ARHGAP44: variants seen among roughly 807,000 people sequenced by gnomAD.
ARHGAP44 encodes Rho GTPase activating protein 44.
A neutral mutation model predicts 106.8 loss-of-function variants in ARHGAP44; 43 were observed. The observed-to-expected ratio is 0.40, with a 90% CI of 0.32 to 0.52. The LOEUF (loss-of-function observed/expected upper bound fraction) is 0.52, where lower values mean the gene tolerates loss of function less well. Among genes scored for constraint, ARHGAP44 ranks in the 20% least tolerant of loss-of-function variants. ARHGAP44 has a pLI of 0.48. For synonymous variants in ARHGAP44, 439 were observed against 410.3 expected (o/e 1.07, Z -0.85); for missense variants, 866 against 1,050.5 (o/e 0.82, Z 2.43).
chr17:12,942,912 C>G (rs183295159), intron 8 of ARHGAP44, among the ~76,000 whole-genome samples: 7 of 152,274 alleles, frequency 4.6e-5, no homozygotes, highest in Non-Finnish European at 1.5e-5. Context: ...CAAAGCAATC[C>G]CACCTCCAGG....
intron 1 of ARHGAP44, among the ~76,000 whole-genome samples, chr17:12,809,387 G>T (rs777011223): frequency 6.6e-6 from 1 of 152,210 alleles, no homozygotes; most frequent in Non-Finnish European, 1.5e-5. Flanking sequence ...TTGACTCACA[G>T]TTCCACATGA....
chr17:12,970,103 A>G (rs539872292), intron 16 of ARHGAP44, among the ~76,000 whole-genome samples: 6 of 152,288 alleles, frequency 3.9e-5, no homozygotes, highest in Admixed American at 2.6e-4. Context: ...GTGCATCTCA[A>G]TGATGAGCAG....
intron 1 of ARHGAP44, among the ~76,000 whole-genome samples, chr17:12,893,252 C>T (rs2037101305): frequency 6.6e-6 from 1 of 152,108 alleles, no homozygotes; most frequent in Non-Finnish European, 1.5e-5. Flanking sequence ...TGGTTCTCTA[C>T]TGGGCCTCCA....
At chr17:12,987,222 G>A (rs979303564) in intron 20 of ARHGAP44, 8 of 1,364,084 alleles carry the variant, frequency 5.9e-6, no homozygotes, top group South Asian at 1.3e-5. Flanking sequence ...CCTCCCCTCC[G>A]CTCCTCGTCT....
At chr17:12,795,325 T>C (rs1275544340) in intron 1 of ARHGAP44, among the ~76,000 whole-genome samples, 1 of 152,236 alleles carries the variant, frequency 6.6e-6, no homozygotes, top group African/African-American at 2.4e-5. Context: ...TTTGCTCTTA[T>C]CTTCTAAGAT....
At chr17:12,858,301 A>G (rs574513841) in intron 1 of ARHGAP44, among the ~76,000 whole-genome samples, 73 of 152,268 alleles carry the variant, frequency 4.8e-4, no homozygotes, top group African/African-American at 1.6e-3. Context: ...TGTGGACTCT[A>G]AAATCCTCCA....
intron 19 of ARHGAP44, chr17:12,982,916 G>A (rs2039867203): frequency 6.6e-6 from 1 of 152,214 alleles, no homozygotes; most frequent in African/African-American, 2.4e-5. Context: ...GTGGGGAGAA[G>A]GAAGAGCTTC....
intron 20 of ARHGAP44, among the ~76,000 whole-genome samples, chr17:12,989,575 G>A (rs1205231588): frequency 6.6e-6 from 1 of 152,146 alleles, no homozygotes; most frequent in East Asian, 1.9e-4. Flanking sequence ...CTGTTTCTTA[G>A]AGTGAGGACA....
At chr17:12,814,310 G>C (rs569920782) in intron 1 of ARHGAP44, among the ~76,000 whole-genome samples, 1 of 143,460 alleles carries the variant, frequency 7.0e-6, no homozygotes, top group South Asian at 2.2e-4. Context: ...GCGTGATCTC[G>C]GCTCACTGCA....
At chr17:12,897,516 T>C (rs1374432356) in intron 3 of ARHGAP44, among the ~76,000 whole-genome samples, 4 of 151,788 alleles carry the variant, frequency 2.6e-5, no homozygotes, top group African/African-American at 9.7e-5. Flanking sequence ...TAAATAAAAC[T>C]TTCACAGCTC....
chr17:12,854,972 A>G (rs1014723514), intron 1 of ARHGAP44, among the ~76,000 whole-genome samples: 8 of 151,468 alleles, frequency 5.3e-5, no homozygotes, highest in Admixed American at 2.6e-4. Flanking sequence ...AAAAAAAAAA[A>G]AAAAAAAAAA....
intron 16 of ARHGAP44, among the ~76,000 whole-genome samples, chr17:12,970,227 G>T (rs752677824): frequency 6.6e-6 from 1 of 151,960 alleles, no homozygotes; most frequent in Non-Finnish European, 1.5e-5. Flanking sequence ...TTAGCCAGAT[G>T]TGGTGGCATG....
At chr17:12,911,840 A>G (rs774046409) in intron 4 of ARHGAP44, among the ~76,000 whole-genome samples, 48 of 152,186 alleles carry the variant, frequency 3.2e-4, no homozygotes, top group South Asian at 6.2e-4. Context: ...CCACTCATGC[A>G]GCCCCCCAGG....
rs947712708 is a variant in ARHGAP44 at position 12,984,770 on chromosome 17, C to T, written c.2179C>T (p.Arg727Trp). The T allele has an allele frequency of 8.7e-6, 14 of 1,613,830 alleles. No individual in the cohort carries two copies. Among genetic ancestry groups the T allele is most frequent in the South Asian group, 4.4e-5 (4 of 91,092 alleles). The stretch of plus-strand genomic sequence containing the variant: ...CTTTACAAGCACTTTGAGCAAATCG[C>T]GGCCCACTCCTAAGCCGCGACAGAG... ...SVFTSTLSKS[R>W]PTPKPRQRPT... is the part of the protein sequence containing the mutation. The change falls in exon 20 of 21, where the codon CGG becomes TGG. Residue 727 changes from arginine to tryptophan, a missense_variant. By Grantham distance (101) the Arg-to-Trp change is moderately radical (BLOSUM62 -3). Around this residue, in one of 2 missense-constraint regions of ARHGAP44, gnomAD observed 418 missense variants for 403.6 expected, o/e 1.04. Coordinates refer to ENST00000379672, the MANE Select transcript of ARHGAP44 (RefSeq NM_014859.6).
intron 1 of ARHGAP44, among the ~76,000 whole-genome samples, chr17:12,831,783 C>T (rs1420099966): frequency 6.6e-6 from 1 of 152,076 alleles, no homozygotes; most frequent in Non-Finnish European, 1.5e-5. Flanking sequence ...GTGTAAGAAA[C>T]AATGGTCAGG....
intron 16 of ARHGAP44, among the ~76,000 whole-genome samples, chr17:12,966,558 T>C (rs2039396787): frequency 6.6e-6 from 1 of 152,156 alleles, no homozygotes; most frequent in East Asian, 1.9e-4. Context: ...GAGCTTTGGG[T>C]CCCCTTTTCA....
At chr17:12,861,187 G>A (rs1437416656) in intron 1 of ARHGAP44, among the ~76,000 whole-genome samples, 2 of 151,886 alleles carry the variant, frequency 1.3e-5, no homozygotes, top group East Asian at 1.9e-4. Flanking sequence ...GTGGAGTTCC[G>A]CCATGTTGGC....
At chr17:12,891,487 A>G (rs1367702065) in intron 1 of ARHGAP44, among the ~76,000 whole-genome samples, 1 of 152,206 alleles carries the variant, frequency 6.6e-6, no homozygotes, top group East Asian at 1.9e-4. Context: ...TCCTTTTATA[A>G]GAAACCCACC....
intron 6 of ARHGAP44, among the ~76,000 whole-genome samples, chr17:12,928,638 C>T (rs1406299233): frequency 6.6e-6 from 1 of 152,072 alleles, no homozygotes; most frequent in African/African-American, 2.4e-5. Flanking sequence ...GTAGTGATTG[C>T]CATTTGGCTT....
Sources: allele counts gnomAD v4.1 joint callset (sites outside exome capture counted in the v4.1 genomes callset), GRCh38; gene constraint gnomAD v4.1.1; regional missense constraint gnomAD v4.1.1; transcripts MANE v1.5; gene names NCBI Gene and HGNC (gene_info 2026-07-23, HGNC 2026-07-21).